Variants in POF1B observed in about 807,000 individuals in gnomAD.
POF1B encodes POF1B actin binding protein.
A neutral mutation model predicts 55.3 loss-of-function variants in POF1B; 53 were observed. The ratio of observed to expected loss-of-function variants is 0.96; its 90% CI spans 0.77 to 1.20. The LOEUF is 1.20. POF1B is among the 50% of genes most tolerant of loss of function. The pLI is 0.00. For synonymous variants in POF1B, 188 were observed against 148.3 expected (o/e 1.27, Z -1.95); for missense variants, 478 against 420.5 (o/e 1.14, Z -1.20).
intron 4 of POF1B, among the ~76,000 whole-genome samples, chrX:85,353,071 G>T (rs1468202155): frequency 2.7e-5 from 3 of 111,142 alleles, no homozygotes; most frequent in Non-Finnish European, 3.8e-5. Flanking sequence ...TACAGAGAAA[G>T]AACTTATGGG....
intron 3 of POF1B, among the ~76,000 whole-genome samples, 161 bp from the exon 4 acceptor site, chrX:85,359,791 GT>G (rs1197544250): frequency 9.0e-6 from 1 of 111,241 alleles, no homozygotes; most frequent in East Asian, 2.8e-4. Context: ...TCAGAAACAT[GT>G]ATAAAAGCAT....
intron 15 of POF1B, among the ~76,000 whole-genome samples, chrX:85,298,017 G>A (rs1932345956): frequency 8.9e-6 from 1 of 112,419 alleles, no homozygotes; most frequent in South Asian, 3.7e-4. Context: ...CATGCCTGTG[G>A]CTTTGTCCTC....
chrX:85,375,324 T>C (rs980276555), intron 2 of POF1B, among the ~76,000 whole-genome samples: 2 of 111,563 alleles, frequency 1.8e-5, no homozygotes, highest in African/African-American at 6.5e-5. Flanking sequence ...GAAAATAAAC[T>C]TGAAAGGACA....
intron 9 of POF1B, among the ~76,000 whole-genome samples, chrX:85,312,505 G>C (rs894217251): frequency 2.1e-4 from 23 of 111,088 alleles, no homozygotes; most frequent in Non-Finnish European, 4.2e-4. Flanking sequence ...CATTATTTCT[G>C]AGGCCTCTGT....
At chrX:85,308,311 A>C (rs1932623209) in intron 9 of POF1B, 95 bp from the exon 10 acceptor site, 1 of 495,203 alleles carries the variant, frequency 2.0e-6, no homozygotes, top group African/African-American at 2.4e-5. Context: ...CAAACTTATT[A>C]ATAATTTTAC....
In POF1B at chrX:85,318,369, G is replaced by C. The variant is rs976274404; in HGVS notation, c.855-2635C>G. On this transcript the variant is annotated intron_variant, in intron 7 of 16. Transcript: ENST00000262753. ...TATTTTGCTGTGCAGAAGTTCTTTA[G>C]TTCAATTAGGTCCCATTTGTCCATT... Among the ~76,000 whole-genome samples, 4 of 111,686 alleles carry C rather than the reference G, an allele frequency of 3.6e-5. No homozygotes were observed. In the Admixed American group the frequency reaches 3.8e-4, roughly 11 times the overall value.
intron 7 of POF1B, among the ~76,000 whole-genome samples, chrX:85,325,703 C>A (rs1316156664): frequency 8.9e-6 from 1 of 111,851 alleles, no homozygotes; most frequent in Admixed American, 9.5e-5. Context: ...TGGTTAGGAA[C>A]CATTGCTGGG....
At chrX:85,302,681 C>T (rs971686161) in intron 15 of POF1B, among the ~76,000 whole-genome samples, 2 of 111,522 alleles carry the variant, frequency 1.8e-5, no homozygotes, top group Non-Finnish European at 3.8e-5. Flanking sequence ...ACCCAAATGT[C>T]CAACTGATTA....
intron 2 of POF1B, among the ~76,000 whole-genome samples, chrX:85,370,533 C>G (rs1933802039): frequency 9.0e-6 from 1 of 111,543 alleles, no homozygotes. Context: ...TAAATTGCAT[C>G]AGTATGGATT....
chrX:85,310,784 C>T (rs940416054), intron 9 of POF1B, among the ~76,000 whole-genome samples: 1 of 111,782 alleles, frequency 8.9e-6, no homozygotes, highest in Non-Finnish European at 1.9e-5. Flanking sequence ...AAATCCATTA[C>T]CAGACAAATC....
chrX:85,358,527 G>A (rs1933546787), intron 4 of POF1B, among the ~76,000 whole-genome samples: 1 of 111,017 alleles, frequency 9.0e-6, no homozygotes, highest in Admixed American at 9.6e-5. Context: ...ATGGAACAAA[G>A]GTATTTCCTT....
At chrX:85,323,128 A>T (rs1289533390) in intron 7 of POF1B, among the ~76,000 whole-genome samples, 1 of 111,587 alleles carries the variant, frequency 9.0e-6, no homozygotes, top group Non-Finnish European at 1.9e-5. Flanking sequence ...TCATGCTGCT[A>T]TAAAGACACA....
chrX:85,354,396 GA>G (rs1002250844), intron 4 of POF1B, among the ~76,000 whole-genome samples: 48 of 110,593 alleles, frequency 4.3e-4, no homozygotes, highest in African/African-American at 1.5e-3. Context: ...GAGTGAGAAG[GA>G]ATGATATGAA....
rs767556425 is a variant in POF1B at position 85,305,769 on chromosome X, A to G, written c.1437+22T>C. The G allele has an allele frequency of 1.7e-5, 21 of 1,203,252 alleles. No homozygotes were observed. The South Asian group carries it at 3.8e-4, about 22-fold the overall frequency. ...AAAGTTTGTGCTGACCTGTGTATTT[A>G]TGCAATGTAGGATCAACATACCCTC... On this transcript the variant is annotated intron_variant, in intron 13 of 16. Transcript: ENST00000262753.
intron 7 of POF1B, among the ~76,000 whole-genome samples, chrX:85,324,501 C>A (rs1042157641): frequency 9.0e-6 from 1 of 111,010 alleles, no homozygotes; most frequent in African/African-American, 3.3e-5. Flanking sequence ...AGTTTAAAAT[C>A]TGTTTTTTTC....
chrX:85,370,084 G>T (rs904028043), intron 2 of POF1B, among the ~76,000 whole-genome samples: 1 of 111,889 alleles, frequency 8.9e-6, no homozygotes, highest in African/African-American at 3.2e-5. Flanking sequence ...ATACAAAAGC[G>T]TACTAAGAAG....
chrX:85,293,092 T>A (rs2147895347), intron 15 of POF1B, among the ~76,000 whole-genome samples: 1 of 112,017 alleles, frequency 8.9e-6, no homozygotes, highest in South Asian at 3.7e-4. Flanking sequence ...TGTAAATTAG[T>A]TCAGCCATTA....
At chrX:85,335,188 T>A (rs1461548018) in intron 6 of POF1B, among the ~76,000 whole-genome samples, 2 of 111,595 alleles carry the variant, frequency 1.8e-5, no homozygotes, top group Non-Finnish European at 3.8e-5. Context: ...CAATTATATC[T>A]AAGTAACTAA....
intron 3 of POF1B, among the ~76,000 whole-genome samples, 180 bp from the exon 4 acceptor site, chrX:85,359,810 G>A (rs967731466): frequency 2.7e-5 from 3 of 111,004 alleles, no homozygotes; most frequent in African/African-American, 9.8e-5. Flanking sequence ...CATGTGTTCT[G>A]TGCCCAACAT....
Sources: allele counts gnomAD v4.1 joint callset (sites outside exome capture counted in the v4.1 genomes callset), GRCh38; gene constraint gnomAD v4.1.1; transcripts MANE v1.5; gene names NCBI Gene and HGNC (gene_info 2026-07-23, HGNC 2026-07-21).